Variants in KPNB1 observed in about 807,000 individuals in gnomAD.
KPNB1 encodes the protein importin subunit beta-1.
KPNB1 carries 7 observed loss-of-function variants against 113.0 expected under a neutral mutation model. That is an observed-to-expected ratio of 0.06 (90% CI 0.04 to 0.12). The LOEUF (loss-of-function observed/expected upper bound fraction) is 0.12, where lower values mean the gene tolerates loss of function less well. KPNB1 is among the 10% of genes least tolerant of loss of function. The pLI is 1.00. For missense variants in KPNB1, 400 were observed against 1,054.8 expected (o/e 0.38, Z 8.60); for synonymous variants, 363 against 378.6 (o/e 0.96, Z 0.48).
chr17:47,660,519 A>G (rs973292134), intron 5 of KPNB1, among the ~76,000 whole-genome samples: 3 of 152,136 alleles, frequency 2.0e-5, no homozygotes, highest in Non-Finnish European at 2.9e-5. Context: ...TTCTGTATAT[A>G]TGTTTGTTGA....
chr17:47,663,811 C>A (rs1052114011), intron 7 of KPNB1, among the ~76,000 whole-genome samples: 1 of 151,718 alleles, frequency 6.6e-6, no homozygotes, highest in Non-Finnish European at 1.5e-5. Context: ...ATGGTGAAAC[C>A]CCGCCTCTAC....
chr17:47,657,138 C>A, intron 4 of KPNB1, 78 bp downstream of exon 4: 1 of 1,176,838 alleles, frequency 8.5e-7, no homozygotes, highest in South Asian at 1.3e-5. Context: ...TTAGTACTAC[C>A]TTATTGAATC....
chr17:47,656,389 C>T (rs2029904276), intron 3 of KPNB1, among the ~76,000 whole-genome samples: 2 of 152,156 alleles, frequency 1.3e-5, no homozygotes, highest in Non-Finnish European at 2.9e-5. Context: ...CTACTAAAAA[C>T]CCAAAAAAGT....
chr17:47,678,470 G>T, intron 19 of KPNB1, 57 bp downstream of exon 19: 1 of 1,210,892 alleles, frequency 8.3e-7, no homozygotes, highest in Non-Finnish European at 1.2e-6. Flanking sequence ...TTAGCCAAGT[G>T]GGCTATGTCT....
At chr17:47,673,860 C>A (rs1196347624) in intron 14 of KPNB1, 1 of 319,208 alleles carries the variant, frequency 3.1e-6, no homozygotes, top group Non-Finnish European at 5.8e-6. Context: ...ACCTCTCTTC[C>A]TCACTCGTTT....
chr17:47,653,148 T>C (rs1216062786), intron 3 of KPNB1, among the ~76,000 whole-genome samples: 1 of 152,138 alleles, frequency 6.6e-6, no homozygotes, highest in Non-Finnish European at 1.5e-5. Flanking sequence ...AAAATCTGTT[T>C]GGCAAATGGG....
intron 9 of KPNB1, among the ~76,000 whole-genome samples, chr17:47,667,609 G>T (rs1237146873): frequency 6.6e-6 from 1 of 150,458 alleles, no homozygotes; most frequent in Non-Finnish European, 1.5e-5. Context: ...ACAGGCTGGA[G>T]CACAGTGGCA....
intron 14 of KPNB1, chr17:47,673,766 C>A: frequency 1.7e-6 from 1 of 571,438 alleles, no homozygotes; most frequent in Non-Finnish European, 3.1e-6. Context: ...AGATTCAAAT[C>A]CTACTTATTT....
chr17:47,677,202 G>C, intron 17 of KPNB1, 75 bp downstream of exon 17: 1 of 1,144,362 alleles, frequency 8.7e-7, no homozygotes, highest in Non-Finnish European at 1.2e-6. Flanking sequence ...GTTAAATATC[G>C]ACCAGGCTGG....
chr17:47,673,705 T>C (rs894339274), intron 14 of KPNB1, 144 bp downstream of exon 14: 2 of 653,454 alleles, frequency 3.1e-6, no homozygotes, highest in East Asian at 2.7e-5. Context: ...TGGTCTGTGA[T>C]TGGTTGATTG....
At chr17:47,650,603 C>A (rs1214200741) in intron 2 of KPNB1, among the ~76,000 whole-genome samples, 159 bp downstream of exon 2, 4 of 151,532 alleles carry the variant, frequency 2.6e-5, no homozygotes, top group African/African-American at 9.7e-5. Context: ...AACCTAACCC[C>A]GCCATCGGGA....
intron 14 of KPNB1, among the ~76,000 whole-genome samples, chr17:47,674,150 AACGAGTGAGG>A (rs1452627524): frequency 6.6e-6 from 1 of 152,202 alleles, no homozygotes; most frequent in Non-Finnish European, 1.5e-5. Context: ...AGTTGAAACA[AACGAGTGAGG>A]AAGGAATGTT....
chr17:47,679,541 G>A (rs780577843), intron 19 of KPNB1, among the ~76,000 whole-genome samples: 1 of 152,130 alleles, frequency 6.6e-6, no homozygotes, highest in Non-Finnish European at 1.5e-5. Flanking sequence ...CTTGAGGAAC[G>A]ACACATTAAT....
In KPNB1 at chr17:47,665,174, A is replaced by C; in HGVS notation, c.999+16A>C. On this transcript the variant is annotated intron_variant, in intron 9 of 21. Coordinates refer to ENST00000290158, the MANE Select transcript of KPNB1 (RefSeq NM_002265.6). The stretch of plus-strand genomic sequence containing the variant: ...AACTAAACAGGTGAGTTACCTTCCA[A>C]ATATAGGTAGGTAAGCTGTGGAACC... The C allele has an allele frequency of 1.3e-6, 2 of 1,583,796 alleles. No individual in the cohort carries two copies. Among genetic ancestry groups the C allele is most frequent in the African/African-American group, 1.3e-5 (1 of 74,392 alleles).
intron 6 of KPNB1, among the ~76,000 whole-genome samples, chr17:47,662,452 T>G (rs1287203297): frequency 2.6e-5 from 4 of 151,982 alleles, no homozygotes; most frequent in Admixed American, 2.6e-4. Context: ...GGGGCGAGCC[T>G]GTAGTCCTAG....
At chr17:47,670,121 TG>T (rs1214357375) in intron 11 of KPNB1, among the ~76,000 whole-genome samples, 1 of 152,214 alleles carries the variant, frequency 6.6e-6, no homozygotes, top group Non-Finnish European at 1.5e-5. Flanking sequence ...GGACTTGGGT[TG>T]CTTTCTTGAA....
chr17:47,679,499 A>G (rs1017756392), intron 19 of KPNB1, among the ~76,000 whole-genome samples: 3 of 152,222 alleles, frequency 2.0e-5, no homozygotes, highest in East Asian at 1.9e-4. Context: ...ATATTTGCCT[A>G]TAGGAAGAGG....
chr17:47,672,559 T>G (rs973182310), intron 12 of KPNB1, among the ~76,000 whole-genome samples: 1 of 151,874 alleles, frequency 6.6e-6, no homozygotes, highest in African/African-American at 2.4e-5. Context: ...CCTGGCTAAT[T>G]TTTATATTTT....
chr17:47,670,021 A>G, intron 11 of KPNB1, 152 bp downstream of exon 11: 3 of 627,158 alleles, frequency 4.8e-6, no homozygotes, highest in South Asian at 4.2e-5. Context: ...GGAGATTCCA[A>G]CTGCAAGAGC....
Sources: allele counts gnomAD v4.1 joint callset (sites outside exome capture counted in the v4.1 genomes callset), GRCh38; gene constraint gnomAD v4.1.1; transcripts MANE v1.5; gene names NCBI Gene and HGNC (gene_info 2026-07-23, HGNC 2026-07-21).